The following LAMP3 variants were observed in gnomAD, a reference collection of about 807,000 sequenced individuals.
LAMP3 encodes the protein lysosome associated membrane protein 3.
In LAMP3, 26 loss-of-function variants were observed where a neutral mutation model predicts 34.8. That is an observed-to-expected ratio of 0.75 (90% CI 0.55 to 1.04). The LOEUF is 1.04. Among genes scored for constraint, LAMP3 ranks in the 50% least tolerant of loss-of-function variants. The probability of loss-of-function intolerance (pLI) is 0.00; values close to 1 mark genes in which losing one functional copy is unlikely to be tolerated. For missense variants in LAMP3, 495 were observed against 524.0 expected, an observed-to-expected ratio of 0.94 and a Z score of 0.54; for synonymous variants, 180 against 201.9, an observed-to-expected ratio of 0.89 and a Z score of 0.92.
chr3:183,148,231 T>G lies in LAMP3; in HGVS notation c.888+4144A>C, dbSNP rs535905013. Among the ~76,000 whole-genome samples, 4 of 152,274 alleles carry G rather than the reference T, an allele frequency of 2.6e-5. No homozygotes were observed. In the South Asian group the frequency reaches 8.3e-4, roughly 32 times the overall value. The stretch of plus-strand genomic sequence containing the variant: ...CTTTGAAACCACTAAAAGAAATCAC[T>G]GGGAAACTCTCCAGGACGTTGGTCT... On this transcript the variant is annotated intron_variant, in intron 3 of 5. Transcript: ENST00000265598.
chr3:183,137,254 G>T (rs1269222919), intron 4 of LAMP3, among the ~76,000 whole-genome samples: 4 of 152,130 alleles, frequency 2.6e-5, no homozygotes, highest in Non-Finnish European at 5.9e-5. Flanking sequence ...GAGGGGTGGA[G>T]GTTGCAGTAA....
chr3:183,153,267 C>A (rs6414495), intron 2 of LAMP3, among the ~76,000 whole-genome samples: 134,134 of 151,922 alleles, frequency 0.88, 59,294 homozygotes, highest in Middle Eastern at 0.92. Flanking sequence ...TTTTCTTGTT[C>A]ATGTGGATTT....
intron 5 of LAMP3, chr3:183,131,880 T>G: frequency 1.0e-6 from 1 of 962,174 alleles, no homozygotes; most frequent in Non-Finnish European, 1.2e-6. Flanking sequence ...TAAGCCATAT[T>G]TTAATAGAAT....
intron 3 of LAMP3, among the ~76,000 whole-genome samples, chr3:183,149,323 C>T (rs1053925713): frequency 2.0e-5 from 3 of 151,490 alleles, no homozygotes; most frequent in East Asian, 1.9e-4. Context: ...GGGCGGATCA[C>T]GAGGTCAAGA....
chr3:183,127,859 C>T (rs984527023), intron 5 of LAMP3, among the ~76,000 whole-genome samples: 9 of 152,006 alleles, frequency 5.9e-5, no homozygotes, highest in Non-Finnish European at 7.4e-5. Context: ...TGGCTGGGCA[C>T]GGTGGCTCAC....
intron 1 of LAMP3, 48 bp downstream of exon 1, chr3:183,162,559 G>A: frequency 6.5e-7 from 1 of 1,536,040 alleles, no homozygotes. Context: ...TAGATGAAAG[G>A]GGACCGACAC....
intron 5 of LAMP3, among the ~76,000 whole-genome samples, chr3:183,130,778 G>A (rs1719896089): frequency 1.3e-5 from 2 of 152,096 alleles, no homozygotes; most frequent in Non-Finnish European, 2.9e-5. Context: ...ACTCTTCCCA[G>A]TCTTCCTGGG....
rs16833717 is a variant in LAMP3 at position 183,133,245 on chromosome 3, C to T, written c.1117+2472G>A. Among the ~76,000 whole-genome samples, 1,162 of 152,304 alleles carry T rather than the reference C, an allele frequency of 7.6e-3. 11 individuals are homozygous for T. The highest frequency in any genetic ancestry group is 0.026 in the African/African-American group (1,084 of 41,562). ...AGCTGAGGCCAGGGGAATTCTGATG[C>T]TGCTTCCAGGCAGATCCAACTTTGA... On this transcript the variant is annotated intron_variant, in intron 5 of 5. Coordinates refer to ENST00000265598, the MANE Select transcript of LAMP3 (RefSeq NM_014398.4).
intron 5 of LAMP3, among the ~76,000 whole-genome samples, chr3:183,130,759 C>G (rs1719895324): frequency 6.6e-6 from 1 of 152,162 alleles, no homozygotes; most frequent in Admixed American, 6.6e-5. Context: ...TCCGTCTGTC[C>G]CTCCCTTTAC....
chr3:183,162,026 G>A (rs1213591425), intron 1 of LAMP3: 2 of 978,244 alleles, frequency 2.0e-6, no homozygotes, highest in Admixed American at 6.2e-5. Context: ...CTCTCATGAC[G>A]TTCGAGTAAC....
chr3:183,138,467 AG>A (rs1241013966), intron 4 of LAMP3, among the ~76,000 whole-genome samples: 2 of 152,216 alleles, frequency 1.3e-5, no homozygotes, highest in Admixed American at 1.3e-4. Context: ...AGCTTTGAAA[AG>A]GGGAAAACAG....
chr3:183,136,533 C>T (rs1333594032), intron 4 of LAMP3, among the ~76,000 whole-genome samples: 7 of 152,128 alleles, frequency 4.6e-5, no homozygotes, highest in East Asian at 3.9e-4. Context: ...TGCCTGTAAT[C>T]CCAGCTACTC....
At chr3:183,131,988 C>T in intron 5 of LAMP3, 1 of 985,372 alleles carries the variant, frequency 1.0e-6, no homozygotes, top group South Asian at 4.7e-5. Context: ...GCAGGTCTAC[C>T]TCTTCCTGCT....
chr3:183,127,881 C>T (rs1225240239), intron 5 of LAMP3, among the ~76,000 whole-genome samples: 1 of 152,068 alleles, frequency 6.6e-6, no homozygotes, highest in African/African-American at 2.4e-5. Context: ...CCTGTAATCC[C>T]AGCACTTTGG....
rs760084694 is a variant in LAMP3 at position 183,154,286 on chromosome 3, A to G, written c.155T>C (p.Val52Ala). ...AGGTGCTTGCTTAGCTGGTTGCTGG[A>G]CAGGTTTTTTTATGTCCTGTACTGT... ...AATVQDIKKPVQQPAKQAPHQ... is the reference protein window; with the variant it reads ...AATVQDIKKPAQQPAKQAPHQ... The change falls in exon 2 of 6, where the codon GTC (valine) becomes GCC (alanine). Residue 52 changes from valine (V) to alanine (A), a missense_variant. Transcript: ENST00000265598. The G allele has an allele frequency of 9.3e-6, 15 of 1,614,012 alleles. No individual in the cohort carries two copies. Among genetic ancestry groups the G allele is most frequent in the Non-Finnish European group, 1.3e-5 (15 of 1,180,024 alleles).
intron 5 of LAMP3, among the ~76,000 whole-genome samples, chr3:183,125,757 T>G (rs979698535): frequency 1.3e-5 from 2 of 152,176 alleles, no homozygotes; most frequent in Non-Finnish European, 2.9e-5. Context: ...ATGTTTCTCT[T>G]TTTTTGCAGC....
In LAMP3 at chr3:183,153,944, G is replaced by A. The variant is rs372694518; in HGVS notation, c.497C>T (p.Thr166Ile). The A allele has an allele frequency of 7.4e-6, 12 of 1,614,084 alleles. No homozygotes were observed. In the South Asian group the frequency reaches 1.2e-4, roughly 16 times the overall value. The change falls in exon 2 of 6, where the codon ACC becomes ATC. Residue 166 changes from threonine (T) to isoleucine (I), a missense_variant. Coordinates refer to ENST00000265598, the MANE Select transcript of LAMP3 (RefSeq NM_014398.4). ...TGNTTQPSNQ[T>I]TLPATLSIAL... ...TATCGATAAAGTTGCTGGAAGGGTGGTCTGGTTACTGGGTTGAGTGGTGTT... is the reference window on the plus strand; with the variant it reads ...TATCGATAAAGTTGCTGGAAGGGTGATCTGGTTACTGGGTTGAGTGGTGTT...
chr3:183,157,796 G>C (rs1720864373), intron 1 of LAMP3, among the ~76,000 whole-genome samples: 2 of 152,234 alleles, frequency 1.3e-5, no homozygotes, highest in Middle Eastern at 6.8e-3. Context: ...TCTTCTCTCA[G>C]TGGTAATGAA....
At position 183,153,975 on chromosome 3, in the gene LAMP3, T is replaced by G; in HGVS notation, c.466A>C (p.Thr156Pro). 1 of 1,614,104 alleles carries G rather than the reference T, an allele frequency of 6.2e-7. No homozygotes were observed. The highest frequency in any genetic ancestry group is 8.5e-7 in the Non-Finnish European group (1 of 1,180,014). The change falls in exon 2 of 6, where the codon ACT becomes CCT. Residue 156 changes from threonine to proline, a missense_variant. Coordinates refer to ENST00000265598, the MANE Select transcript of LAMP3 (RefSeq NM_014398.4). ...TTACTGGGTTGAGTGGTGTTCCCAG[T>G]TGTGTGGCTGACGGTTGATGAACTG... is the stretch of plus-strand genomic sequence containing the variant. ...GTSSSTVSHT[T>P]GNTTQPSNQT... is the part of the protein sequence containing the mutation.
Sources: gnomAD v4.1 joint callset for allele counts (sites outside exome capture counted in the v4.1 genomes callset) on GRCh38, gnomAD v4.1.1 for gene constraint, MANE v1.5 for transcripts, NCBI Gene and HGNC (gene_info 2026-07-23, HGNC 2026-07-21) for gene names.